IL22RA2: variants seen among roughly 807,000 people sequenced by gnomAD.
The protein encoded by IL22RA2 is interleukin 22 receptor subunit alpha 2, also known as interleukin-22 receptor subunit alpha-2.
Under a neutral mutation model 30.7 loss-of-function variants are expected in IL22RA2, and 39 were observed. The observed-to-expected ratio is 1.27, with a 90% confidence interval of 0.98 to 1.66. The LOEUF (loss-of-function observed/expected upper bound fraction) is 1.66, where lower values mean the gene tolerates loss of function less well. Among genes scored for constraint, IL22RA2 ranks in the 40% most tolerant of loss-of-function variants. IL22RA2 has a pLI of 0.00. For missense variants in IL22RA2, 315 were observed against 312.7 expected, an observed-to-expected ratio of 1.01 and a Z score of -0.05; for synonymous variants, 103 against 105.0, an observed-to-expected ratio of 0.98 and a Z score of 0.11.
chr6:137,159,433 G>A (rs929730414), intron 2 of IL22RA2, among the ~76,000 whole-genome samples: 7 of 152,030 alleles, frequency 4.6e-5, no homozygotes, highest in African/African-American at 1.5e-4. Flanking sequence ...CGATTCTCCT[G>A]CCTCAGCCTC....
In IL22RA2 at chr6:137,154,899, A is replaced by C. The variant is rs188877680; in HGVS notation, c.472+42T>G. On this transcript the variant is annotated intron_variant, in intron 5 of 6. Transcript: ENST00000296980. ...AGCCGTGCTCCGGGAGGGCTGTCCA[A>C]AAGCAGGAAGAACAAGGGCAAAGAA... 7.6e-4 allele frequency: 1,221 copies of C among 1,596,174 alleles called. 8 individuals are homozygous for C. The highest frequency in any genetic ancestry group is 1.5e-3 in the South Asian group (132 of 90,668).
chr6:137,170,820 C>T (rs1399786619), intron 1 of IL22RA2, among the ~76,000 whole-genome samples: 1 of 151,960 alleles, frequency 6.6e-6, no homozygotes, highest in Non-Finnish European at 1.5e-5. Flanking sequence ...GTGGTTTTGA[C>T]GTACAGGCAG....
intron 1 of IL22RA2, among the ~76,000 whole-genome samples, chr6:137,164,227 C>T (rs1778582682): frequency 1.3e-5 from 2 of 152,116 alleles, no homozygotes; most frequent in South Asian, 2.1e-4. Flanking sequence ...ATAAAATAGC[C>T]ATCTTTTAAT....
chr6:137,169,919 T>C (rs1778696879), intron 1 of IL22RA2, among the ~76,000 whole-genome samples: 1 of 152,348 alleles, frequency 6.6e-6, no homozygotes, highest in African/African-American at 2.4e-5. Flanking sequence ...ATGCGGAAGT[T>C]AGCTCATGTT....
intron 1 of IL22RA2, 32 bp from the exon 2 acceptor site, chr6:137,161,846 G>A (rs138108803): frequency 4.8e-5 from 41 of 857,146 alleles, no homozygotes; most frequent in African/African-American, 1.9e-4. Context: ...AATCACTCCC[G>A]GGTTTAAGGC....
At position 137,154,878 on chromosome 6, in the gene IL22RA2, G is replaced by A. The variant is rs557233129; in HGVS notation, c.472+63C>T. 4.5e-4 allele frequency: 644 copies of A among 1,431,192 alleles called. 2 individuals carry two copies. In the African/African-American group the frequency reaches 6.1e-3, roughly 14 times the overall value. 88.7% of individuals were successfully genotyped at this position (1,431,192 alleles called of 1,614,324 possible). On this transcript the variant is annotated intron_variant, in intron 5 of 6. Transcript: ENST00000296980. The stretch of plus-strand genomic sequence containing the variant: ...AAAGCACAAGGCCTAGTCACTAGCC[G>A]TGCTCCGGGAGGGCTGTCCAAAAGC...
intron 1 of IL22RA2, among the ~76,000 whole-genome samples, chr6:137,172,001 A>G (rs1253166723): frequency 4.6e-5 from 7 of 152,176 alleles, no homozygotes; most frequent in South Asian, 2.1e-4. Context: ...TCACCTCTTC[A>G]TGCTCCTTAG....
intron 1 of IL22RA2, among the ~76,000 whole-genome samples, chr6:137,172,328 T>A (rs1009379595): frequency 2.0e-5 from 3 of 152,208 alleles, no homozygotes; most frequent in African/African-American, 7.2e-5. Flanking sequence ...ATTTAAGAAC[T>A]GAATTCTCCC....
chr6:137,156,241 C>T (rs963333144), intron 4 of IL22RA2, among the ~76,000 whole-genome samples: 1 of 152,102 alleles, frequency 6.6e-6, no homozygotes, highest in Non-Finnish European at 1.5e-5. Flanking sequence ...ACCAATGTAA[C>T]AAAGTGATGG....
At chr6:137,153,487 A>G (rs1778334223) in intron 5 of IL22RA2, among the ~76,000 whole-genome samples, 1 of 152,042 alleles carries the variant, frequency 6.6e-6, no homozygotes, top group Non-Finnish European at 1.5e-5. Context: ...GGGAGGGGCA[A>G]CTCTGACTGT....
rs376595265 is a variant in IL22RA2 at position 137,166,152 on chromosome 6, C to A, written c.-65-4338G>T. Among the ~76,000 whole-genome samples, 16 of 152,364 alleles carry A rather than the reference C, an allele frequency of 1.1e-4. No homozygotes were observed. The South Asian group carries it at 2.9e-3, about 28-fold the overall frequency. On this transcript the variant is annotated intron_variant, in intron 1 of 6. Coordinates refer to ENST00000296980, the MANE Select transcript of IL22RA2 (RefSeq NM_052962.3). ...TTTGCTGATGGAAGCAGCTTCATAT[C>A]TAAAGGTTTATCAGTTGGGCTGGAT...
intron 1 of IL22RA2, among the ~76,000 whole-genome samples, chr6:137,166,622 C>T (rs1778631325): frequency 6.6e-6 from 1 of 152,238 alleles, no homozygotes; most frequent in Non-Finnish European, 1.5e-5. Context: ...AACCCCCTAA[C>T]TACTCCTCTA....
intron 5 of IL22RA2, among the ~76,000 whole-genome samples, chr6:137,148,887 G>A (rs762206106): frequency 4.6e-5 from 7 of 152,146 alleles, no homozygotes; most frequent in Non-Finnish European, 1.0e-4. Flanking sequence ...TATGATCTGT[G>A]ATGCTAGATT....
rs768721097 is a variant in IL22RA2 at position 137,161,691 on chromosome 6, G to C, written c.59C>G (p.Ala20Gly). 5.4e-5 allele frequency: 87 copies of C among 1,612,350 alleles called. No homozygotes were observed. The highest frequency in any genetic ancestry group is 6.9e-5 in the Non-Finnish European group (81 of 1,178,710). The part of the protein sequence containing the change: ...FLISFFLTGV[A>G]GTQSTHESLK... Reference sequence around the variant, plus strand: ...TTAAAAAGAAACAAAGCACTTACCTGCTACACCAGTAAGGAAGAAACTGAT... The same window carrying C: ...TTAAAAAGAAACAAAGCACTTACCTCCTACACCAGTAAGGAAGAAACTGAT... The change falls in exon 2 of 7, where the codon GCA (alanine) becomes GGA (glycine). Residue 20 changes from alanine (A) to glycine (G), a missense_variant and splice_region_variant. By Grantham distance (60) the Ala-to-Gly change is moderately conservative. Transcript: ENST00000296980.
At chr6:137,146,689 G>T (rs549298850) in intron 6 of IL22RA2, among the ~76,000 whole-genome samples, 7 of 152,268 alleles carry the variant, frequency 4.6e-5, no homozygotes, top group African/African-American at 1.4e-4. Flanking sequence ...AGCACCGATG[G>T]TGGATTAGAA....
intron 5 of IL22RA2, among the ~76,000 whole-genome samples, chr6:137,152,239 CA>C (rs965365853): frequency 1.3e-5 from 2 of 151,414 alleles, no homozygotes; most frequent in Admixed American, 6.6e-5. Context: ...GAAAAAAAAA[CA>C]AAAAAACTCA....
In IL22RA2 at chr6:137,147,771, T is replaced by A; in HGVS notation, c.593A>T (p.Tyr198Phe). 2 of 1,602,788 alleles carry A rather than the reference T, an allele frequency of 1.2e-6. No individual in the cohort carries two copies. ...AAAAACTCGGTATAGTAGTTCATAG[T>A]AATCTTCTATAGATACATTTTTTTC... ...QKEKNVSIEDYYELLYRVFII... is the reference protein window; with the variant it reads ...QKEKNVSIEDFYELLYRVFII... Residue 198 changes from tyrosine (Y) to phenylalanine (F), a missense_variant, in exon 6 of 7, where the codon TAC (tyrosine) becomes TTC (phenylalanine). By Grantham distance (22) the Tyr-to-Phe change is conservative (BLOSUM62 3). Coordinates refer to ENST00000296980, the MANE Select transcript of IL22RA2 (RefSeq NM_052962.3).
chr6:137,160,112 C>G (rs544315379), intron 2 of IL22RA2, among the ~76,000 whole-genome samples: 1 of 152,226 alleles, frequency 6.6e-6, no homozygotes, highest in Non-Finnish European at 1.5e-5. Context: ...ATCTTTAGAA[C>G]ATAAACATTC....
intron 1 of IL22RA2, among the ~76,000 whole-genome samples, chr6:137,170,855 A>AT (rs1421756346): frequency 6.6e-6 from 1 of 152,192 alleles, no homozygotes; most frequent in Admixed American, 6.5e-5. Context: ...ATGTGTTCTC[A>AT]TACAAGGAAC....
Sources: allele counts gnomAD v4.1 joint callset (sites outside exome capture counted in the v4.1 genomes callset), GRCh38; gene constraint gnomAD v4.1.1; transcripts MANE v1.5; gene names NCBI Gene and HGNC (gene_info 2026-07-23, HGNC 2026-07-21).